EGF: variants seen among roughly 807,000 people sequenced by gnomAD.
EGF encodes epidermal growth factor.
Under a neutral mutation model 143.8 loss-of-function variants are expected in EGF, and 95 were observed. The observed-to-expected ratio is 0.66, with a 90% confidence interval of 0.56 to 0.78. The LOEUF is 0.78. EGF is among the 30% of genes least tolerant of loss of function. The pLI is 0.00. For missense variants in EGF, 1,320 were observed against 1,470.9 expected, an observed-to-expected ratio of 0.90 and a Z score of 1.68; for synonymous variants, 510 against 510.5, an observed-to-expected ratio of 1.00 and a Z score of 0.01.
At chr4:110,006,152 A>G (rs1753256169) in intron 22 of EGF, among the ~76,000 whole-genome samples, 1 of 151,460 alleles carries the variant, frequency 6.6e-6, no homozygotes, top group Non-Finnish European at 1.5e-5. Context: ...AGCCCGGACA[A>G]TATAGCAAGA....
chr4:109,978,066 A>G (rs1453122134), intron 13 of EGF, among the ~76,000 whole-genome samples: 1 of 152,204 alleles, frequency 6.6e-6, no homozygotes, highest in African/African-American at 2.4e-5. Context: ...TAAATTATGT[A>G]AGTAACATTC....
At chr4:109,928,580 T>C (rs2125965156) in intron 1 of EGF, among the ~76,000 whole-genome samples, 1 of 152,266 alleles carries the variant, frequency 6.6e-6, no homozygotes, top group Middle Eastern at 3.4e-3. Flanking sequence ...TAGAAATGAA[T>C]GGGGATTACC....
At chr4:109,992,200 AGAC>A (rs1411126329) in intron 18 of EGF, 36 of 138,046 alleles carry the variant, frequency 2.6e-4, no homozygotes, top group African/African-American at 1.1e-3. Flanking sequence ...AAAAAAAAAA[AGAC>A]AGAGAGAGAA....
rs556689472 is a variant in EGF at position 110,010,515 on chromosome 4, G to A, written c.3371-687G>A. On this transcript the variant is annotated intron_variant, in intron 23 of 23. Coordinates refer to ENST00000265171, the MANE Select transcript of EGF (RefSeq NM_001963.6). ...ACTCAGGCTAAAGTACAGTGGCTTGGTCATGGCTCATTGCTGTCTTGGCCT... is the reference window on the plus strand; with the variant it reads ...ACTCAGGCTAAAGTACAGTGGCTTGATCATGGCTCATTGCTGTCTTGGCCT... Among the ~76,000 whole-genome samples, 15 of 152,200 alleles carry A rather than the reference G, an allele frequency of 9.9e-5. 1 individual carries two copies. Among genetic ancestry groups the A allele is most frequent in the Middle Eastern group, 3.4e-3 (1 of 294 alleles).
intron 1 of EGF, among the ~76,000 whole-genome samples, chr4:109,927,010 TC>T (rs1249024889): frequency 6.6e-6 from 1 of 152,226 alleles, no homozygotes; most frequent in Non-Finnish European, 1.5e-5. Context: ...AAAAAAATCT[TC>T]CAAATACAGA....
At chr4:109,954,451 G>C (rs1350874863) in intron 5 of EGF, among the ~76,000 whole-genome samples, 1 of 152,122 alleles carries the variant, frequency 6.6e-6, no homozygotes, top group Non-Finnish European at 1.5e-5. Flanking sequence ...CTAAATTCTG[G>C]CTAGGTGATT....
intron 3 of EGF, among the ~76,000 whole-genome samples, 193 bp downstream of exon 3, chr4:109,943,628 A>G (rs1742307956): frequency 1.3e-5 from 2 of 152,150 alleles, no homozygotes. Context: ...AAATATTCCT[A>G]ACTATCATGG....
At chr4:109,976,670 A>G (rs933530149) in intron 13 of EGF, among the ~76,000 whole-genome samples, 2 of 152,160 alleles carry the variant, frequency 1.3e-5, no homozygotes, top group African/African-American at 4.8e-5. Context: ...GGTGTCATAT[A>G]TTTTCATAAA....
intron 1 of EGF, among the ~76,000 whole-genome samples, chr4:109,933,111 A>G (rs1740087149): frequency 6.6e-6 from 1 of 152,198 alleles, no homozygotes; most frequent in South Asian, 2.1e-4. Flanking sequence ...TTTTCCCATA[A>G]TAATCCTCTG....
At chr4:109,964,216 T>C (rs1194067376) in intron 9 of EGF, among the ~76,000 whole-genome samples, 185 bp from the exon 10 acceptor site, 1 of 152,138 alleles carries the variant, frequency 6.6e-6, no homozygotes, top group Non-Finnish European at 1.5e-5. Context: ...ATTCTGGCAA[T>C]ATGTCACCTC....
intron 10 of EGF, among the ~76,000 whole-genome samples, chr4:109,967,310 A>G (rs116280306): frequency 1.0e-3 from 154 of 152,130 alleles, no homozygotes; most frequent in African/African-American, 3.5e-3. Flanking sequence ...CCTTTTCCCA[A>G]CGTATATTTT....
intron 11 of EGF, among the ~76,000 whole-genome samples, chr4:109,972,170 A>C (rs1560715277): frequency 6.6e-6 from 1 of 152,100 alleles, no homozygotes; most frequent in Non-Finnish European, 1.5e-5. Context: ...AGAGAGAAGG[A>C]CACACCTCTA....
At chr4:109,988,994 C>T (rs1178930590) in intron 18 of EGF, among the ~76,000 whole-genome samples, 63 of 152,140 alleles carry the variant, frequency 4.1e-4, no homozygotes, top group Admixed American at 4.1e-3. Context: ...ACACCAGTGT[C>T]TCATCAATAC....
chr4:110,004,623 G>A lies in EGF; in HGVS notation c.3291+1G>A, dbSNP rs781472818. 1.1e-5 allele frequency: 18 copies of A among 1,613,424 alleles called. No homozygotes were observed. The highest frequency in any genetic ancestry group is 1.4e-5 in the Non-Finnish European group (17 of 1,179,578). On this transcript the variant is annotated splice_donor_variant, in intron 22 of 23. Coordinates refer to ENST00000265171, the MANE Select transcript of EGF (RefSeq NM_001963.6). LOFTEE classifies it high-confidence loss of function. ...GATGTCCTCTTGCCCTCAACCTTGG[G>A]TAATGTGACCAAAGCAGATGAAGCA...
At chr4:109,955,362 C>G (rs1579597677) in intron 5 of EGF, among the ~76,000 whole-genome samples, 1 of 152,162 alleles carries the variant, frequency 6.6e-6, no homozygotes, top group South Asian at 2.1e-4. Context: ...GCAGCATTCT[C>G]AGTGCTGGCT....
chr4:109,963,163 GT>G lies in EGF; in HGVS notation c.1313-5del, dbSNP rs757362329. On this transcript the variant is annotated splice_polypyrimidine_tract_variant and intron_variant, in intron 8 of 23. Transcript: ENST00000265171. ...GACGTAGCATCATTACTAAGCAATTGTTTTTGTAGGTTGTTCCTCACCCGAT... is the reference window on the plus strand; with the variant it reads ...GACGTAGCATCATTACTAAGCAATTGTTTTGTAGGTTGTTCCTCACCCGAT... The G allele has an allele frequency of 3.1e-6, 5 of 1,613,374 alleles. No individual in the cohort carries two copies. Among genetic ancestry groups the G allele is most frequent in the Non-Finnish European group, 4.2e-6 (5 of 1,179,574 alleles).
rs958652978 is a variant in EGF at position 110,007,975 on chromosome 4, C to T, written c.3292-177C>T. 2.0e-5 allele frequency among the ~76,000 whole-genome samples: 3 copies of T among 152,268 alleles called. No homozygotes were observed. In the South Asian group the frequency reaches 6.2e-4, roughly 32 times the overall value. On this transcript the variant is annotated intron_variant, in intron 22 of 23. Transcript: ENST00000265171. ...CTTTAAGACAAAGTAACACAAGGCT[C>T]CTCACTGAATGTTGAATCTCTCTTT...
At chr4:109,963,428 T>C in intron 9 of EGF, 130 bp downstream of exon 9, 1 of 1,126,108 alleles carries the variant, frequency 8.9e-7, no homozygotes, top group Non-Finnish European at 1.3e-6. Flanking sequence ...AATCACATTG[T>C]AAATATGAAT....
intron 1 of EGF, among the ~76,000 whole-genome samples, chr4:109,915,971 A>C (rs1736575601): frequency 1.3e-5 from 2 of 152,224 alleles, no homozygotes; most frequent in South Asian, 4.1e-4. Context: ...GCAGGAAAGA[A>C]AACTGCTGGC....
Sources: allele counts gnomAD v4.1 joint callset (sites outside exome capture counted in the v4.1 genomes callset), GRCh38; gene constraint gnomAD v4.1.1; transcripts MANE v1.5; gene names NCBI Gene and HGNC (gene_info 2026-07-23, HGNC 2026-07-21).